The following R3HDM2 variants were observed in gnomAD, a reference collection of about 807,000 sequenced individuals.
R3HDM2 encodes the protein R3H domain containing 2.
A neutral mutation model predicts 124.5 loss-of-function variants in R3HDM2; 38 were observed. The observed-to-expected ratio is 0.31, with a 90% confidence interval of 0.24 to 0.40. R3HDM2 has a LOEUF of 0.40. Among genes scored for constraint, R3HDM2 ranks in the 10% least tolerant of loss-of-function variants. R3HDM2 has a pLI of 1.00. For missense variants in R3HDM2, 869 were observed against 1,236.9 expected (o/e 0.70, Z 4.46); for synonymous variants, 391 against 448.0 (o/e 0.87, Z 1.61).
chr12:57,284,193 G>A, intron 12 of R3HDM2, 137 bp from the exon 13 acceptor site: 7 of 816,458 alleles, frequency 8.6e-6, no homozygotes, highest in Non-Finnish European at 1.3e-5. Flanking sequence ...CTTATTGTTA[G>A]TTGGCTGGCC....
intron 2 of R3HDM2, among the ~76,000 whole-genome samples, chr12:57,327,614 G>C (rs1338914939): frequency 6.6e-6 from 1 of 152,172 alleles, no homozygotes; most frequent in Non-Finnish European, 1.5e-5. Context: ...ATTTATGAGA[G>C]GAGGTCAAAA....
intron 1 of R3HDM2, among the ~76,000 whole-genome samples, chr12:57,425,402 C>T (rs1317681387): frequency 6.6e-6 from 1 of 152,192 alleles, no homozygotes; most frequent in East Asian, 1.9e-4. Flanking sequence ...AATTCTTGCA[C>T]CTCCCATTAA....
At chr12:57,410,794 G>A (rs1038919365) in intron 1 of R3HDM2, among the ~76,000 whole-genome samples, 1 of 152,168 alleles carries the variant, frequency 6.6e-6, no homozygotes, top group African/African-American at 2.4e-5. Context: ...TTGAAGCTAT[G>A]GTGAGCCATG....
intron 1 of R3HDM2, among the ~76,000 whole-genome samples, chr12:57,429,010 G>C (rs921294452): frequency 1.8e-4 from 27 of 152,116 alleles, no homozygotes; most frequent in Non-Finnish European, 3.1e-4. Context: ...GCCTCCCAAA[G>C]TGCTGCGATT....
chr12:57,265,528 A>G (rs200807825), intron 19 of R3HDM2, among the ~76,000 whole-genome samples: 1 of 149,742 alleles, frequency 6.7e-6, no homozygotes, highest in Non-Finnish European at 1.5e-5. Flanking sequence ...AAAAAAAGAA[A>G]AAAAGAAAAG....
chr12:57,394,574 T>C (rs1253447597), intron 2 of R3HDM2, among the ~76,000 whole-genome samples: 1 of 152,194 alleles, frequency 6.6e-6, no homozygotes, highest in Non-Finnish European at 1.5e-5. Context: ...GTATGTCAAC[T>C]ACACTTCAAT....
rs1279461438 is a variant in R3HDM2, at chr12:57,300,086, A to G, written c.294+9T>C. 2 of 1,548,856 alleles carry G rather than the reference A, an allele frequency of 1.3e-6. No individual in the cohort carries two copies. The highest frequency in any genetic ancestry group is 2.7e-5 in the African/African-American group (2 of 72,970). On this transcript the variant is annotated intron_variant, in intron 5 of 23. Coordinates refer to ENST00000402412, the MANE Select transcript of R3HDM2 (RefSeq NM_001394031.1). ...GCAAAAGCTACACTTACTCCTGCAA[A>G]TGACCTACCTGGGTTTCTAATGGCC...
At chr12:57,292,359 G>A (rs1265260123) in intron 11 of R3HDM2, among the ~76,000 whole-genome samples, 4 of 152,134 alleles carry the variant, frequency 2.6e-5, no homozygotes. Context: ...ATACCATATG[G>A]CAGAATGTAT....
intron 14 of R3HDM2, among the ~76,000 whole-genome samples, chr12:57,271,437 T>TACACACACACAC (rs34695167): frequency 1.3e-5 from 2 of 149,522 alleles, no homozygotes; most frequent in African/African-American, 4.9e-5. Context: ...TGGACAGTAA[T>TACACACACACAC]ACACACACAC....
chr12:57,267,350 T>C (rs944035090), intron 18 of R3HDM2, among the ~76,000 whole-genome samples: 11 of 151,750 alleles, frequency 7.2e-5, no homozygotes, highest in African/African-American at 2.4e-4. Context: ...AGGTCAGGAG[T>C]TCGAGACCAA....
chr12:57,359,068 T>C (rs551013066), intron 2 of R3HDM2, among the ~76,000 whole-genome samples: 7 of 151,906 alleles, frequency 4.6e-5, no homozygotes, highest in African/African-American at 1.4e-4. Flanking sequence ...CAGGCGCCCA[T>C]CACCACGCCC....
intron 22 of R3HDM2, 78 bp from the exon 23 acceptor site, chr12:57,256,152 T>C (rs761695466): frequency 1.3e-5 from 19 of 1,445,096 alleles, no homozygotes; most frequent in Non-Finnish European, 1.8e-5. Flanking sequence ...GCCTGAGAGA[T>C]TGTGGAGTAG....
intron 1 of R3HDM2, among the ~76,000 whole-genome samples, chr12:57,414,966 G>A (rs556200333): frequency 7.9e-4 from 121 of 152,236 alleles, no homozygotes; most frequent in African/African-American, 2.9e-3. Context: ...CAAAGTGAGC[G>A]CAGAACCCCT....
chr12:57,411,869 G>A (rs750055446), intron 1 of R3HDM2, among the ~76,000 whole-genome samples: 13 of 152,200 alleles, frequency 8.5e-5, no homozygotes, highest in Non-Finnish European at 1.5e-4. Context: ...GGAGAGACCT[G>A]GTGGGAGGTG....
At chr12:57,263,245 C>A (rs1242811408) in intron 19 of R3HDM2, among the ~76,000 whole-genome samples, 1 of 152,134 alleles carries the variant, frequency 6.6e-6, no homozygotes, top group Non-Finnish European at 1.5e-5. Flanking sequence ...TACAAGTATA[C>A]CTACATGTAC....
chr12:57,425,164 G>A (rs1027191828), intron 1 of R3HDM2, among the ~76,000 whole-genome samples: 1 of 151,884 alleles, frequency 6.6e-6, no homozygotes, highest in African/African-American at 2.4e-5. Flanking sequence ...CCCAGCTACT[G>A]GGGAGGCTGA....
chr12:57,319,480 T>C (rs943700496), intron 2 of R3HDM2, among the ~76,000 whole-genome samples: 1 of 152,008 alleles, frequency 6.6e-6, no homozygotes, highest in Non-Finnish European at 1.5e-5. Flanking sequence ...TTGGAACACT[T>C]TCCTTTTAAA....
intron 20 of R3HDM2, among the ~76,000 whole-genome samples, 170 bp from the exon 21 acceptor site, chr12:57,258,307 C>T (rs943620590): frequency 2.1e-5 from 3 of 146,080 alleles, no homozygotes; most frequent in Non-Finnish European, 4.6e-5. Flanking sequence ...TTCATTTATG[C>T]TATTTTATTT....
Position 57,295,281 on chromosome 12 carries a change from A to AT in R3HDM2, c.810+117dup, listed in dbSNP as rs1208229715. On this transcript the variant is annotated intron_variant, in intron 10 of 23. Coordinates refer to ENST00000402412, the MANE Select transcript of R3HDM2 (RefSeq NM_001394031.1). The stretch of plus-strand genomic sequence containing the variant: ...GCCAAAGCCAACTCCGTATAGCTCA[A>AT]TACATTTCTCCGTACTAAGATATTT... The AT allele has an allele frequency of 8.4e-6, 6 of 713,706 alleles. No homozygotes were observed. The African/African-American group carries it at 1.1e-4, about 13-fold the overall frequency. The allele number at this position is 713,706 out of a possible 1,614,324, so 44.2% of individuals were successfully genotyped here.
Sources: allele counts gnomAD v4.1 joint callset (sites outside exome capture counted in the v4.1 genomes callset), GRCh38; gene constraint gnomAD v4.1.1; transcripts MANE v1.5; gene names NCBI Gene and HGNC (gene_info 2026-07-23, HGNC 2026-07-21).